The following KIRREL3 variants were observed in gnomAD, a reference collection of about 807,000 sequenced individuals.
The protein encoded by KIRREL3 is kin of IRRE-like protein 3.
Under a neutral mutation model 89.7 loss-of-function variants are expected in KIRREL3, and 36 were observed. That is an observed-to-expected ratio of 0.40 (90% CI 0.31 to 0.53). The LOEUF (loss-of-function observed/expected upper bound fraction) is 0.53, where lower values mean the gene tolerates loss of function less well. KIRREL3 is among the 20% of genes least tolerant of loss of function. The pLI is 0.49. For missense variants in KIRREL3, 864 were observed against 1,056.6 expected, an observed-to-expected ratio of 0.82 and a Z score of 2.53; for synonymous variants, 445 against 441.4, an observed-to-expected ratio of 1.01 and a Z score of -0.10.
chr11:126,441,251 A>G lies in KIRREL3; in HGVS notation c.1253-702T>C, dbSNP rs779958485. ...GGCCATGGCTCCCAAACTGACCCCA[A>G]TATTATCATATCACAGAGTGTGGCA... On this transcript the variant is annotated intron_variant, in intron 10 of 16. Transcript: ENST00000525144. The surrounding 1 kb of genome is among the most constrained non-coding windows in gnomAD (Gnocchi z 5.0). 2.5e-4 allele frequency among the ~76,000 whole-genome samples: 38 copies of G among 152,156 alleles called. No individual in the cohort carries two copies. The highest frequency in any genetic ancestry group is 3.9e-4 in the East Asian group (2 of 5,194).
rs1565560538 is a variant in KIRREL3 at position 126,571,279 on chromosome 11, A to G, written c.56-8367T>C. ...CTGGGATCTTTCTCCCAACTGATGA[A>G]TTGCCTGGAATTCTGACACAGCCAT... On this transcript the variant is annotated intron_variant, in intron 1 of 16. Transcript: ENST00000525144. The surrounding 1 kb of genome is among the most constrained non-coding windows in gnomAD (Gnocchi z 7.7). Among the ~76,000 whole-genome samples the G allele has an allele frequency of 6.6e-6, 1 of 152,150 alleles. No homozygotes were observed. The highest frequency in any genetic ancestry group is 1.5e-5 in the Non-Finnish European group (1 of 68,034).
chr11:126,787,357 A>G (rs1016641037), intron 1 of KIRREL3, among the ~76,000 whole-genome samples: 1 of 152,218 alleles, frequency 6.6e-6, no homozygotes, highest in Admixed American at 6.5e-5. Context: ...ATTTGATGGT[A>G]TTTATTATTC....
intron 2 of KIRREL3, among the ~76,000 whole-genome samples, chr11:126,545,207 A>G (rs1012794077): frequency 4.6e-5 from 7 of 152,200 alleles, no homozygotes; most frequent in African/African-American, 1.7e-4. Context: ...GGAATGAGCC[A>G]AGATAACATG....
At chr11:126,857,449 G>A (rs952544246) in intron 1 of KIRREL3, among the ~76,000 whole-genome samples, 2 of 152,180 alleles carry the variant, frequency 1.3e-5, no homozygotes, top group African/African-American at 4.8e-5. Context: ...TTACATCCTA[G>A]AGCTTCCCAG....
intron 1 of KIRREL3, among the ~76,000 whole-genome samples, chr11:126,979,114 C>G (rs928000854): frequency 6.6e-6 from 1 of 152,164 alleles, no homozygotes; most frequent in South Asian, 2.1e-4. Context: ...AACAAAAGAC[C>G]CGTCTATAAC....
intron 1 of KIRREL3, among the ~76,000 whole-genome samples, chr11:126,957,885 C>G (rs1043208913): frequency 6.6e-6 from 1 of 152,230 alleles, no homozygotes; most frequent in Non-Finnish European, 1.5e-5. Context: ...CTTCTGTTTT[C>G]TCTTCTGTAA....
At chr11:126,816,301 T>C (rs370376170) in intron 1 of KIRREL3, among the ~76,000 whole-genome samples, 13 of 152,238 alleles carry the variant, frequency 8.5e-5, no homozygotes, top group African/African-American at 2.7e-4. Context: ...TATCCTACAA[T>C]TGCATAGACA....
At chr11:126,785,699 C>A (rs1950465939) in intron 1 of KIRREL3, among the ~76,000 whole-genome samples, 1 of 152,040 alleles carries the variant, frequency 6.6e-6, no homozygotes, top group African/African-American at 2.4e-5. Context: ...CATGGTGAAA[C>A]TCTGTCTCTA....
At chr11:126,602,170 CT>C (rs1291458680) in intron 1 of KIRREL3, among the ~76,000 whole-genome samples, 1 of 152,178 alleles carries the variant, frequency 6.6e-6, no homozygotes, top group Non-Finnish European at 1.5e-5. Flanking sequence ...TCTGTTTTGC[CT>C]TTTGATGAAA....
intron 1 of KIRREL3, among the ~76,000 whole-genome samples, chr11:126,749,744 G>A (rs1315494228): frequency 2.0e-5 from 3 of 152,130 alleles, no homozygotes; most frequent in African/African-American, 7.2e-5. Flanking sequence ...GTGGAGGTGA[G>A]GAAGGTGAAA....
At chr11:126,956,772 G>A (rs1006993250) in intron 1 of KIRREL3, among the ~76,000 whole-genome samples, 1 of 152,178 alleles carries the variant, frequency 6.6e-6, no homozygotes, top group African/African-American at 2.4e-5. Flanking sequence ...GAGTGCTTCA[G>A]TTTTCCATTA....
At chr11:126,923,299 TC>T (rs1353336802) in intron 1 of KIRREL3, among the ~76,000 whole-genome samples, 21 of 100,678 alleles carry the variant, frequency 2.1e-4, no homozygotes, top group African/African-American at 4.5e-4. Context: ...TTCTCCTTCT[TC>T]CTTCTCCTTC....
rs1212231147 is a variant in KIRREL3, at chr11:126,997,953, A to G, written c.55+2502T>C. 6.6e-6 allele frequency among the ~76,000 whole-genome samples: 1 copy of G among 151,972 alleles called. No homozygotes were observed. Among genetic ancestry groups the G allele is most frequent in the Non-Finnish European group, 1.5e-5 (1 of 67,986 alleles). ...CATTTCCTGGGAGAGGCATCCCAGC[A>G]TGCAGGAGGCAGGGGTCAAGCAGGT... On this transcript the variant is annotated intron_variant, in intron 1 of 16. Coordinates refer to ENST00000525144, the MANE Select transcript of KIRREL3 (RefSeq NM_032531.4). The surrounding 1 kb of genome is among the most constrained non-coding windows in gnomAD (Gnocchi z 4.3).
intron 1 of KIRREL3, among the ~76,000 whole-genome samples, chr11:126,702,031 A>G (rs902925629): frequency 1.3e-5 from 2 of 152,206 alleles, no homozygotes; most frequent in Admixed American, 1.3e-4. Flanking sequence ...TATTTAACTT[A>G]TGAGTAAAGC....
Position 126,684,111 on chromosome 11 carries a change from C to T in KIRREL3, c.56-121199G>A, listed in dbSNP as rs1489393679. ...TCAGTGGGATGGCATCTTGGGGGAG[C>T]ACCTTGGGCAGGGCTGCCCAGAGCC... On this transcript the variant is annotated intron_variant, in intron 1 of 16. Transcript: ENST00000525144. This position sits in a 1 kb window ranked among gnomAD's most constrained non-coding sequence, Gnocchi z 4.2. Among the ~76,000 whole-genome samples, 1 of 152,184 alleles carries T rather than the reference C, an allele frequency of 6.6e-6. No individual in the cohort carries two copies. The highest frequency in any genetic ancestry group is 1.5e-5 in the Non-Finnish European group (1 of 68,034).
intron 7 of KIRREL3, among the ~76,000 whole-genome samples, chr11:126,452,885 C>T (rs1253456684): frequency 1.3e-5 from 2 of 152,220 alleles, no homozygotes; most frequent in Non-Finnish European, 2.9e-5. Context: ...GAAAAACCCT[C>T]TGAGAGGTCC....
At chr11:126,818,358 C>A (rs1034291150) in intron 1 of KIRREL3, among the ~76,000 whole-genome samples, 1 of 152,160 alleles carries the variant, frequency 6.6e-6, no homozygotes, top group Non-Finnish European at 1.5e-5. Context: ...ATAGAAGAGG[C>A]TCAATAGGCT....
Position 126,626,421 on chromosome 11 carries a change from G to A in KIRREL3, c.56-63509C>T, listed in dbSNP as rs73017220. 4.6e-3 allele frequency among the ~76,000 whole-genome samples: 698 copies of A among 152,362 alleles called. 5 individuals are homozygous for A. The highest frequency in any genetic ancestry group is 7.9e-3 in the Non-Finnish European group (538 of 68,040). On this transcript the variant is annotated intron_variant, in intron 1 of 16. Transcript: ENST00000525144. ...TGGATATTGAAACATTCAGTAACCAGCATGGCATGTGCATGGGTCAGTCAG... is the reference window on the plus strand; with the variant it reads ...TGGATATTGAAACATTCAGTAACCAACATGGCATGTGCATGGGTCAGTCAG...
At chr11:126,630,691 C>T (rs1943983048) in intron 1 of KIRREL3, among the ~76,000 whole-genome samples, 1 of 152,180 alleles carries the variant, frequency 6.6e-6, no homozygotes, top group Admixed American at 6.5e-5. Context: ...GCTTGTGCCT[C>T]AGGGCCCTAA....
Sources: allele counts gnomAD v4.1 joint callset (sites outside exome capture counted in the v4.1 genomes callset), GRCh38; gene constraint gnomAD v4.1.1; non-coding constraint Gnocchi (gnomAD v3.1); transcripts MANE v1.5; gene names NCBI Gene and HGNC (gene_info 2026-07-23, HGNC 2026-07-21).